HSD17B3: variants seen among roughly 807,000 people sequenced by gnomAD.
HSD17B3 encodes the protein 17-beta-hydroxysteroid dehydrogenase type 3.
Under a neutral mutation model 41.1 loss-of-function variants are expected in HSD17B3, and 29 were observed. The observed-to-expected ratio is 0.71, with a 90% CI of 0.53 to 0.96. The LOEUF is 0.96. HSD17B3 is among the 40% of genes least tolerant of loss of function. HSD17B3 has a pLI of 0.00. For missense variants in HSD17B3, 323 were observed against 374.6 expected, an observed-to-expected ratio of 0.86 and a Z score of 1.14; for synonymous variants, 126 against 145.6, an observed-to-expected ratio of 0.87 and a Z score of 0.97.
intron 2 of HSD17B3, among the ~76,000 whole-genome samples, chr9:96,289,219 GTA>G (rs1460034027): frequency 6.6e-6 from 1 of 150,742 alleles, no homozygotes; most frequent in African/African-American, 2.4e-5. Flanking sequence ...GTGTGTGTGT[GTA>G]TGTGTGTGTG....
chr9:96,256,648 G>A (rs1293616361), intron 2 of HSD17B3, among the ~76,000 whole-genome samples: 1 of 152,046 alleles, frequency 6.6e-6, no homozygotes, highest in Non-Finnish European at 1.5e-5. Context: ...TCCAGCCTGG[G>A]TGACAGAGCA....
rs35522080 is a variant in HSD17B3 at position 96,240,919 on chromosome 9, A to G, written c.673-12T>C. 1.1e-4 allele frequency: 173 copies of G among 1,614,136 alleles called. No individual in the cohort carries two copies. The highest frequency in any genetic ancestry group is 1.6e-4 in the Middle Eastern group (1 of 6,062). On this transcript the variant is annotated splice_polypyrimidine_tract_variant and intron_variant, in intron 9 of 10. Transcript: ENST00000375263. ...TATGGGGTCAGCACCTACAACGGGA[A>G]ACAAAGACCATGGCACAGAAGCAAT...
intron 10 of HSD17B3, 57 bp from the exon 11 acceptor site, chr9:96,235,627 CATCT>C: frequency 7.6e-7 from 1 of 1,313,312 alleles, no homozygotes; most frequent in Non-Finnish European, 1.1e-6. Context: ...TACCTCAGTT[CATCT>C]TTGTGGTCTT....
intron 2 of HSD17B3, among the ~76,000 whole-genome samples, chr9:96,286,093 C>T (rs914496028): frequency 7.9e-5 from 12 of 152,166 alleles, no homozygotes; most frequent in African/African-American, 2.9e-4. Context: ...CCTGTAATCC[C>T]AGCACTTTGG....
In HSD17B3 at chr9:96,244,401, CAAG is replaced by C. The variant is rs771272009; in HGVS notation, c.607-10_607-8del. On this transcript the variant is annotated splice_polypyrimidine_tract_variant and splice_region_variant and intron_variant, in intron 8 of 10. Coordinates refer to ENST00000375263, the MANE Select transcript of HSD17B3 (RefSeq NM_000197.2). ...AAAATGCGCACACAAACGCCTGGAG[CAAG>C]AAGGAGAGACACCTGAGGCCCCAGA... 6 of 1,614,128 alleles carry C rather than the reference CAAG, an allele frequency of 3.7e-6. No homozygotes were observed. In the African/African-American group the frequency reaches 8.0e-5, roughly 22 times the overall value.
chr9:96,284,803 C>T (rs1055241335), intron 2 of HSD17B3, among the ~76,000 whole-genome samples: 7 of 151,654 alleles, frequency 4.6e-5, no homozygotes, highest in Non-Finnish European at 8.8e-5. Context: ...AAAGTCTTAT[C>T]GAGATTCCTT....
intron 5 of HSD17B3, chr9:96,250,292 C>A (rs1354239824): frequency 1.8e-6 from 2 of 1,084,750 alleles, no homozygotes; most frequent in Non-Finnish European, 2.2e-6. Context: ...GGCAGAGGAG[C>A]AACCCTGGAA....
chr9:96,251,159 C>T (rs903155061), intron 5 of HSD17B3: 2 of 559,798 alleles, frequency 3.6e-6, no homozygotes, highest in Non-Finnish European at 3.2e-6. Flanking sequence ...ACCCCAGAAG[C>T]ATAGGACAAT....
chr9:96,301,897 G>A (rs1827627002), intron 1 of HSD17B3, 54 bp downstream of exon 1: 10 of 1,568,524 alleles, frequency 6.4e-6, no homozygotes, highest in Non-Finnish European at 8.8e-6. Context: ...AATAATAATA[G>A]TAACAAGCAG....
rs1467728418 is a variant in HSD17B3 at position 96,254,945 on chromosome 9, T to C, written c.202-2A>G. The C allele has an allele frequency of 1.2e-6, 2 of 1,613,300 alleles. No homozygotes were observed. The highest frequency in any genetic ancestry group is 1.7e-6 in the Non-Finnish European group (2 of 1,179,630). On this transcript the variant is annotated splice_acceptor_variant, in intron 2 of 10. Coordinates refer to ENST00000375263, the MANE Select transcript of HSD17B3 (RefSeq NM_000197.2). LOFTEE classifies it high-confidence loss of function. Reference sequence around the variant, plus strand: ...AACATTGAGTCCACGTTTTGCTAGCTGAGAGTGGGAGTGAAAAACCAAGAG... The same window carrying C: ...AACATTGAGTCCACGTTTTGCTAGCCGAGAGTGGGAGTGAAAAACCAAGAG...
intron 2 of HSD17B3, among the ~76,000 whole-genome samples, chr9:96,271,887 T>C (rs964293625): frequency 6.6e-6 from 1 of 152,196 alleles, no homozygotes; most frequent in African/African-American, 2.4e-5. Flanking sequence ...TAGCACTGGT[T>C]ACCTTTACAG....
chr9:96,241,123 T>C (rs1287723003), intron 9 of HSD17B3, among the ~76,000 whole-genome samples: 2 of 152,128 alleles, frequency 1.3e-5, no homozygotes, highest in African/African-American at 4.8e-5. Context: ...CAACATCAAG[T>C]GGCCCAAATG....
At chr9:96,281,344 T>G (rs910267107) in intron 2 of HSD17B3, among the ~76,000 whole-genome samples, 2 of 152,052 alleles carry the variant, frequency 1.3e-5, no homozygotes, top group African/African-American at 2.4e-5. Flanking sequence ...TGGATGGCTT[T>G]GGGTAAGTGG....
intron 2 of HSD17B3, chr9:96,256,142 TTCAG>T (rs1389998628): frequency 3.9e-5 from 6 of 152,220 alleles, no homozygotes; most frequent in African/African-American, 1.4e-4. Flanking sequence ...TCTCTGTGGT[TTCAG>T]TCAAATGATT....
intron 10 of HSD17B3, among the ~76,000 whole-genome samples, chr9:96,238,468 C>G (rs747157482): frequency 3.9e-5 from 6 of 152,128 alleles, no homozygotes; most frequent in Non-Finnish European, 8.8e-5. Flanking sequence ...TGGAGACCAA[C>G]CTGGCCAACA....
At chr9:96,253,998 C>G (rs1319007536) in intron 3 of HSD17B3, among the ~76,000 whole-genome samples, 1 of 152,152 alleles carries the variant, frequency 6.6e-6, no homozygotes, top group East Asian at 1.9e-4. Flanking sequence ...TCACCCCTGA[C>G]AGCCCACCAT....
chr9:96,241,961 A>AAAAGAAAGAAAGAATG (rs1836459604), intron 9 of HSD17B3, among the ~76,000 whole-genome samples: 1 of 100,696 alleles, frequency 9.9e-6, no homozygotes, highest in African/African-American at 4.2e-5. Context: ...AAAGAACAGA[A>AAAAGAAAGAAAGAATG]AAAGAAAGAA....
rs540179421 is a variant in HSD17B3 at position 96,298,302 on chromosome 9, C to T, written c.201+114G>A. On this transcript the variant is annotated intron_variant, in intron 2 of 10. Coordinates refer to ENST00000375263, the MANE Select transcript of HSD17B3 (RefSeq NM_000197.2). Reference sequence around the variant, plus strand: ...GCTTTTCCATAGAGTATATTTTCTCCTTTAAATGAATGCATACTGCTTTTA... The same window carrying T: ...GCTTTTCCATAGAGTATATTTTCTCTTTTAAATGAATGCATACTGCTTTTA... 5.5e-5 allele frequency: 47 copies of T among 849,758 alleles called. No homozygotes were observed. The African/African-American group carries it at 7.1e-4, about 13-fold the overall frequency. 52.6% of individuals were successfully genotyped at this position (849,758 alleles called of 1,614,324 possible).
intron 2 of HSD17B3, among the ~76,000 whole-genome samples, chr9:96,274,959 T>C (rs1306134551): frequency 6.6e-6 from 1 of 152,012 alleles, no homozygotes; most frequent in Non-Finnish European, 1.5e-5. Context: ...GATAATTAAA[T>C]TGTCAAAATT....
Sources: gnomAD v4.1 joint callset for allele counts (sites outside exome capture counted in the v4.1 genomes callset) on GRCh38, gnomAD v4.1.1 for gene constraint, MANE v1.5 for transcripts, NCBI Gene and HGNC (gene_info 2026-07-23, HGNC 2026-07-21) for gene names.